GABRA4: variants seen among roughly 807,000 people sequenced by gnomAD.
The protein encoded by GABRA4 is gamma-aminobutyric acid receptor subunit alpha-4.
Under a neutral mutation model 49.7 loss-of-function variants are expected in GABRA4, and 12 were observed. The observed-to-expected ratio is 0.24, with a 90% CI of 0.15 to 0.39. The LOEUF (loss-of-function observed/expected upper bound fraction) is 0.39. Among genes scored for constraint, GABRA4 ranks in the 10% least tolerant of loss-of-function variants. The pLI is 1.00. For missense variants in GABRA4, 506 were observed against 686.0 expected (o/e 0.74, Z 2.93); for synonymous variants, 288 against 240.2 (o/e 1.20, Z -1.84).
Position 46,971,250 on chromosome 4 carries a change from G to A in GABRA4, c.722-15C>T, listed in dbSNP as rs748968652. On this transcript the variant is annotated splice_polypyrimidine_tract_variant and intron_variant, in intron 6 of 8. Transcript: ENST00000264318. ...AATATATTCACCTGCCAAGAAAACAGGAGGAAAATGTGTTATCGGTTCTGC... is the reference window on the plus strand; with the variant it reads ...AATATATTCACCTGCCAAGAAAACAAGAGGAAAATGTGTTATCGGTTCTGC... The A allele has an allele frequency of 6.2e-7, 1 of 1,607,318 alleles. No individual in the cohort carries two copies. The highest frequency in any genetic ancestry group is 8.5e-7 in the Non-Finnish European group (1 of 1,175,740).
At chr4:46,953,429 C>T (rs1163831019) in intron 8 of GABRA4, among the ~76,000 whole-genome samples, 1 of 152,068 alleles carries the variant, frequency 6.6e-6, no homozygotes, top group African/African-American at 2.4e-5. Context: ...ACTTTTAAAA[C>T]AACAGATGTT....
chr4:46,993,280 C>A, intron 1 of GABRA4, 59 bp downstream of exon 1: 1 of 1,457,322 alleles, frequency 6.9e-7, no homozygotes, highest in Non-Finnish European at 9.6e-7. Context: ...AAAGGGGTCC[C>A]GGAGCTAGCC....
chr4:46,974,445 A>G, intron 5 of GABRA4, 70 bp from the exon 6 acceptor site: 1 of 1,377,006 alleles, frequency 7.3e-7, no homozygotes, highest in Admixed American at 2.2e-5. Context: ...TCAACACTTA[A>G]AAACAGTACT....
intron 8 of GABRA4, among the ~76,000 whole-genome samples, chr4:46,936,827 T>A (rs936916895): frequency 2.6e-5 from 4 of 152,192 alleles, no homozygotes; most frequent in African/African-American, 9.6e-5. Context: ...TTTTTCCCTT[T>A]ATCTCTTATG....
At chr4:46,973,204 G>A (rs1479836911) in intron 6 of GABRA4, among the ~76,000 whole-genome samples, 1 of 151,762 alleles carries the variant, frequency 6.6e-6, no homozygotes, top group Non-Finnish European at 1.5e-5. Flanking sequence ...TATTGCTATG[G>A]TCTAAATGTT....
Position 46,920,033 on chromosome 4 carries a change from G to A in GABRA4, c.*8192C>T, listed in dbSNP as rs1450638019. 1 of 151,598 alleles carries A rather than the reference G, an allele frequency of 6.6e-6. No individual in the cohort carries two copies. Among genetic ancestry groups the A allele is most frequent in the Non-Finnish European group, 1.5e-5 (1 of 67,646 alleles). 9.4% of individuals were successfully genotyped at this position (151,598 alleles called of 1,614,324 possible). On this transcript the variant is annotated 3_prime_UTR_variant, in exon 9 of 9. Transcript: ENST00000264318. The stretch of plus-strand genomic sequence containing the variant: ...AACTAGGAGACAATATACATAATCA[G>A]TAAAATGACAAGCCAACATGCTGCA...
chr4:46,986,976 G>A (rs554729202), intron 2 of GABRA4, among the ~76,000 whole-genome samples: 1 of 152,026 alleles, frequency 6.6e-6, no homozygotes, highest in Non-Finnish European at 1.5e-5. Context: ...ATCATTTCTT[G>A]CCTGGTTTAT....
intron 8 of GABRA4, among the ~76,000 whole-genome samples, chr4:46,936,367 A>G (rs955308067): frequency 6.6e-6 from 1 of 152,158 alleles, no homozygotes; most frequent in African/African-American, 2.4e-5. Flanking sequence ...CTCCTGCCTC[A>G]GCCTGCTGAG....
Position 46,920,682 on chromosome 4 carries a change from C to T in GABRA4, c.*7543G>A, listed in dbSNP as rs991637169. 2.0e-5 allele frequency: 3 copies of T among 151,398 alleles called. No individual in the cohort carries two copies. The highest frequency in any genetic ancestry group is 3.0e-5 in the Non-Finnish European group (2 of 67,682). The allele number at this position is 151,398 out of a possible 1,614,324, so 9.4% of individuals were successfully genotyped here. On this transcript the variant is annotated 3_prime_UTR_variant, in exon 9 of 9. Transcript: ENST00000264318. ...ATCACACACACTCACACCAAAATTCCAATGTATTACAGGGAGGTATTTCCA... is the reference window on the plus strand; with the variant it reads ...ATCACACACACTCACACCAAAATTCTAATGTATTACAGGGAGGTATTTCCA...
At position 46,948,177 on chromosome 4, in the gene GABRA4, A is replaced by G. The variant is rs144979991; in HGVS notation, c.1134+16793T>C. ...CACCCTAAAATTATTCTAATAGTGA[A>G]CCTGGTAGACCTAGACTTTGAACCC... On this transcript the variant is annotated intron_variant, in intron 8 of 8. Transcript: ENST00000264318. 3.9e-5 allele frequency among the ~76,000 whole-genome samples: 6 copies of G among 152,222 alleles called. No homozygotes were observed. In the East Asian group the frequency reaches 9.7e-4, roughly 25 times the overall value.
chr4:46,933,522 G>A (rs1721512308), intron 8 of GABRA4, among the ~76,000 whole-genome samples: 1 of 152,120 alleles, frequency 6.6e-6, no homozygotes, highest in African/African-American at 2.4e-5. Flanking sequence ...ATTGCTCTCT[G>A]CCAAGCAGTT....
At chr4:46,989,568 T>C (rs879726607) in intron 2 of GABRA4, among the ~76,000 whole-genome samples, 1 of 152,238 alleles carries the variant, frequency 6.6e-6, no homozygotes, top group Non-Finnish European at 1.5e-5. Context: ...GGAAACCATT[T>C]CAGTTCCTTT....
chr4:46,964,961 G>C lies in GABRA4; in HGVS notation c.1134+9C>G, dbSNP rs758787972. On this transcript the variant is annotated intron_variant, in intron 8 of 8. Transcript: ENST00000264318. The stretch of plus-strand genomic sequence containing the variant: ...AAATCTTAAACTGAAGGTGGATTAA[G>C]TCAAATACCTGCAGAGGGGCTTCAG... 1 of 1,579,826 alleles carries C rather than the reference G, an allele frequency of 6.3e-7. No homozygotes were observed. Among genetic ancestry groups the C allele is most frequent in the African/African-American group, 1.4e-5 (1 of 73,072 alleles).
intron 2 of GABRA4, 34 bp from the exon 3 acceptor site, chr4:46,979,132 TA>T (rs1186799465): frequency 1.5e-6 from 2 of 1,328,632 alleles, no homozygotes; most frequent in Non-Finnish European, 2.2e-6. Context: ...TGTGAAAAAA[TA>T]ATTACCAATT....
intron 3 of GABRA4, 131 bp downstream of exon 3, chr4:46,978,900 C>G: frequency 1.5e-6 from 1 of 687,958 alleles, no homozygotes; most frequent in Non-Finnish European, 2.6e-6. Flanking sequence ...TTCATACATT[C>G]TTAAGTTTAA....
At chr4:46,931,528 A>G (rs940835339) in intron 8 of GABRA4, among the ~76,000 whole-genome samples, 1 of 152,148 alleles carries the variant, frequency 6.6e-6, no homozygotes, top group African/African-American at 2.4e-5. Context: ...ACACCAATTC[A>G]TCATTTCTCT....
intron 8 of GABRA4, among the ~76,000 whole-genome samples, chr4:46,955,799 A>T (rs990941770): frequency 6.6e-6 from 1 of 152,108 alleles, no homozygotes; most frequent in Admixed American, 6.6e-5. Context: ...TTGAACAAAC[A>T]TACTTGAATT....
intron 8 of GABRA4, among the ~76,000 whole-genome samples, chr4:46,934,180 C>T (rs573166900): frequency 6.6e-6 from 1 of 151,812 alleles, no homozygotes; most frequent in South Asian, 2.1e-4. Context: ...AGACTGATAA[C>T]GAATAGGTTT....
chr4:46,938,117 A>C (rs1721661213), intron 8 of GABRA4, among the ~76,000 whole-genome samples: 1 of 152,132 alleles, frequency 6.6e-6, no homozygotes, highest in South Asian at 2.1e-4. Flanking sequence ...ATATATAGAG[A>C]GAGATCTCAT....
Sources: gnomAD v4.1 joint callset for allele counts (sites outside exome capture counted in the v4.1 genomes callset) on GRCh38, gnomAD v4.1.1 for gene constraint, MANE v1.5 for transcripts, NCBI Gene and HGNC (gene_info 2026-07-23, HGNC 2026-07-21) for gene names.